Variants in DGCR8 observed in about 807,000 individuals in gnomAD.
DGCR8 encodes microprocessor complex subunit DGCR8.
A neutral mutation model predicts 78.5 loss-of-function variants in DGCR8; 14 were observed. That is an observed-to-expected ratio of 0.18 (90% CI 0.12 to 0.28). The LOEUF (loss-of-function observed/expected upper bound fraction) is 0.28, where lower values mean the gene tolerates loss of function less well. DGCR8 is among the 10% of genes least tolerant of loss of function. DGCR8 has a pLI of 1.00. For synonymous variants in DGCR8, 399 were observed against 402.4 expected, an observed-to-expected ratio of 0.99 and a Z score of 0.10; for missense variants, 702 against 1,022.5, an observed-to-expected ratio of 0.69 and a Z score of 4.28.
chr22:20,091,637 A>C lies in DGCR8; in HGVS notation c.1504+5A>C. The stretch of plus-strand genomic sequence containing the variant: ...AAGATGCACCCACAAAGAAAGGTAT[A>C]AGCCTCTGCATTTTAACATCAGCAG... On this transcript the variant is annotated splice_donor_5th_base_variant and intron_variant, in intron 6 of 13. Coordinates refer to ENST00000351989, the MANE Select transcript of DGCR8 (RefSeq NM_022720.7). 6.2e-7 allele frequency: 1 copy of C among 1,613,340 alleles called. No homozygotes were observed. Among genetic ancestry groups the C allele is most frequent in the Non-Finnish European group, 8.5e-7 (1 of 1,179,340 alleles).
At position 20,094,786 on chromosome 22, in the gene DGCR8, A is replaced by G. The variant is rs369686570; in HGVS notation, c.1779A>G (p.Glu593=). The change falls in exon 9 of 14, where the codon GAA becomes GAG. Residue 593 remains glutamate, a synonymous_variant. Transcript: ENST00000351989. The part of the protein sequence containing the change: ...QTSEEKPKDS[E]ELEYFNHISI... ...CTGAAGAGAAGCCCAAAGACAGTGA[A>G]GAACTCGAGGTGAGTGTTGTGGTCC... 6.4e-5 allele frequency: 103 copies of G among 1,613,936 alleles called. No individual in the cohort carries two copies. Among genetic ancestry groups the G allele is most frequent in the Non-Finnish European group, 8.6e-5 (102 of 1,179,920 alleles).
chr22:20,102,018 T>A, intron 9 of DGCR8: 1 of 985,334 alleles, frequency 1.0e-6, no homozygotes, highest in Non-Finnish European at 1.2e-6. Context: ...TGGTATTTTG[T>A]TGCTAGCTGT....
At position 20,107,024 on chromosome 22, in the gene DGCR8, T is replaced by G; in HGVS notation, c.1997-247T>G. ...GTGTGCGTCTTGGCGGGAGGGAGGC[T>G]CTCGGCTGCGTGGCTTTGAGTGGTA... On this transcript the variant is annotated intron_variant, in intron 11 of 13. Transcript: ENST00000351989. The G allele has an allele frequency of 5.2e-6, 3 of 579,766 alleles. No homozygotes were observed. The East Asian group carries it at 8.6e-5, about 17-fold the overall frequency. The allele number at this position is 579,766 out of a possible 1,614,324, so 35.9% of individuals were successfully genotyped here.
In DGCR8 at chr22:20,086,246, A is replaced by G. The variant is rs1568951970; in HGVS notation, c.283A>G (p.Ser95Gly). 6.2e-7 allele frequency: 1 copy of G among 1,614,150 alleles called. No homozygotes were observed. Among genetic ancestry groups the G allele is most frequent in the Non-Finnish European group, 8.5e-7 (1 of 1,180,032 alleles). The change falls in exon 2 of 14, where the codon AGC (serine) becomes GGC (glycine). Residue 95 changes from serine (S) to glycine (G), a missense_variant. Coordinates refer to ENST00000351989, the MANE Select transcript of DGCR8 (RefSeq NM_022720.7). The surrounding 1 kb of genome is among the most constrained non-coding windows in gnomAD (Gnocchi z 6.4). ...LLIDPNCSGH[S>G]PRTARHAPAV... ...CATAGACCCGAACTGTAGTGGCCAC[A>G]GCCCGCGCACCGCCCGGCACGCACC...
Position 20,090,186 on chromosome 22 carries a change from G to T in DGCR8, c.1234G>T (p.Gly412Trp). The T allele has an allele frequency of 6.2e-7, 1 of 1,614,258 alleles. No homozygotes were observed. Among genetic ancestry groups the T allele is most frequent in the Non-Finnish European group, 8.5e-7 (1 of 1,180,048 alleles). Residue 412 changes from glycine (G) to tryptophan (W), a missense_variant, in exon 5 of 14, where the codon GGG becomes TGG. By Grantham distance (184) the Gly-to-Trp change is radical. Transcript: ENST00000351989. ...PGPPDEKDPL[G>W]AEAAPGALGQ... ...GCCCCCGGACGAGAAAGACCCACTA[G>T]GGGCTGAGGCAGCCCCTGGGGCCCT... is the stretch of plus-strand genomic sequence containing the variant.
At chr22:20,100,420 G>C in intron 9 of DGCR8, 1 of 985,420 alleles carries the variant, frequency 1.0e-6, no homozygotes, top group Non-Finnish European at 1.2e-6. Context: ...TCCCAGGGAG[G>C]CTTCCAAGGC....
rs1313753758 is a variant in DGCR8, at chr22:20,086,641, G to T, written c.678G>T (p.Gln226His). Residue 226 changes from glutamine (Q) to histidine (H), a missense_variant, in exon 2 of 14, where the codon CAG (glutamine) becomes CAT (histidine). Coordinates refer to ENST00000351989, the MANE Select transcript of DGCR8 (RefSeq NM_022720.7). This position sits in a 1 kb window ranked among gnomAD's most constrained non-coding sequence, Gnocchi z 6.4. Reference protein sequence around the residue: ...AGGFTAKAIVQRDRVDEEALN... With the variant: ...AGGFTAKAIVHRDRVDEEALN... ...GGTTCACGGCTAAAGCAATCGTTCAGAGAGACAGAGTGGATGAAGAGGCCT... is the reference window on the plus strand; with the variant it reads ...GGTTCACGGCTAAAGCAATCGTTCATAGAGACAGAGTGGATGAAGAGGCCT... 1 of 1,611,228 alleles carries T rather than the reference G, an allele frequency of 6.2e-7. No individual in the cohort carries two copies. Among genetic ancestry groups the T allele is most frequent in the Non-Finnish European group, 8.5e-7 (1 of 1,179,878 alleles).
intron 8 of DGCR8, among the ~76,000 whole-genome samples, chr22:20,093,131 C>T (rs956809672): frequency 5.3e-5 from 8 of 151,752 alleles, no homozygotes; most frequent in African/African-American, 1.9e-4. Context: ...CTCGGCCGGG[C>T]GTGGTGTCTC....
chr22:20,094,796 G>T lies in DGCR8; in HGVS notation c.1788+1G>T. On this transcript the variant is annotated splice_donor_variant, in intron 9 of 13. Transcript: ENST00000351989. LOFTEE classifies it high-confidence loss of function. ...GCCCAAAGACAGTGAAGAACTCGAG[G>T]TGAGTGTTGTGGTCCTGCCCTGCTG... is the stretch of plus-strand genomic sequence containing the variant. The T allele has an allele frequency of 6.2e-7, 1 of 1,613,882 alleles. No homozygotes were observed. The highest frequency in any genetic ancestry group is 8.5e-7 in the Non-Finnish European group (1 of 1,179,746).
chr22:20,080,659 G>T (rs1321159415), intron 1 of DGCR8: 1 of 220,188 alleles, frequency 4.5e-6, no homozygotes, highest in African/African-American at 2.3e-5. Context: ...AGGGCCCGAA[G>T]CCTAGCATCG....
chr22:20,085,786 G>C lies in DGCR8; in HGVS notation c.-178G>C. On this transcript the variant is annotated 5_prime_UTR_variant, in exon 2 of 14. Transcript: ENST00000351989. The surrounding 1 kb of genome is among the most constrained non-coding windows in gnomAD (Gnocchi z 6.2). ...GTGATTTCCAATAATTGAGGCAGTG[G>C]TTCTAAAAGCTGTCTACATTAATGA... 6.9e-7 allele frequency: 1 copy of C among 1,446,988 alleles called. No homozygotes were observed. The highest frequency in any genetic ancestry group is 9.0e-7 in the Non-Finnish European group (1 of 1,107,614). The allele number at this position is 1,446,988 out of a possible 1,614,324, so 89.6% of individuals were successfully genotyped here.
rs368839325 is a variant in DGCR8 at position 20,092,861 on chromosome 22, C to T, written c.1659C>T (p.Tyr553=). The part of the protein sequence containing the change: ...GASVTIDGVT[Y]GSGTASSKKL... ...CGGTGACCATTGATGGTGTGACTTACGGATCTGGAACTGCAAGCAGCAAAA... is the reference window on the plus strand; with the variant it reads ...CGGTGACCATTGATGGTGTGACTTATGGATCTGGAACTGCAAGCAGCAAAA... Residue 553 remains tyrosine (Y), a synonymous_variant, in exon 8 of 14, where the codon TAC becomes TAT. Transcript: ENST00000351989. 5.8e-5 allele frequency: 93 copies of T among 1,613,538 alleles called. No individual in the cohort carries two copies. Among genetic ancestry groups the T allele is most frequent in the Non-Finnish European group, 7.5e-5 (89 of 1,179,804 alleles).
chr22:20,110,158 G>A lies in DGCR8; in HGVS notation c.*50G>A. The A allele has an allele frequency of 6.4e-7, 1 of 1,563,336 alleles. No individual in the cohort carries two copies. Among genetic ancestry groups the A allele is most frequent in the Non-Finnish European group, 8.7e-7 (1 of 1,147,366 alleles). ...GGGGGCCGCCAGCCGCACTTCTGAG[G>A]AGACCAGCAGTCATGCATCGTGCAC... On this transcript the variant is annotated 3_prime_UTR_variant, in exon 14 of 14. Coordinates refer to ENST00000351989, the MANE Select transcript of DGCR8 (RefSeq NM_022720.7).
rs879061294 is a variant in DGCR8, at chr22:20,085,934, T to C, written c.-30T>C. 1 of 1,514,546 alleles carries C rather than the reference T, an allele frequency of 6.6e-7. No individual in the cohort carries two copies. The highest frequency in any genetic ancestry group is 2.2e-5 in the Admixed American group (1 of 46,418). 93.8% of individuals were successfully genotyped at this position (1,514,546 alleles called of 1,614,324 possible). The stretch of plus-strand genomic sequence containing the variant: ...TATGTGAGGGCTTGTAAAACTCTGG[T>C]CTTGTAAACTAGTCTTAAGCGCTTT... On this transcript the variant is annotated 5_prime_UTR_variant, in exon 2 of 14. Transcript: ENST00000351989. This position sits in a 1 kb window ranked among gnomAD's most constrained non-coding sequence, Gnocchi z 6.2.
chr22:20,092,709 C>T, intron 7 of DGCR8, 100 bp from the exon 8 acceptor site: 1 of 1,010,644 alleles, frequency 9.9e-7, no homozygotes, highest in Admixed American at 2.0e-5. Flanking sequence ...TCTGCAGGGA[C>T]AGCCCCTGAC....
Position 20,089,772 on chromosome 22 carries a change from C to T in DGCR8, c.984C>T (p.Thr328=). The T allele has an allele frequency of 6.2e-7, 1 of 1,613,958 alleles. No individual in the cohort carries two copies. Among genetic ancestry groups the T allele is most frequent in the Non-Finnish European group, 8.5e-7 (1 of 1,180,014 alleles). Reference sequence around the variant, plus strand: ...TACACAGAGAGTCTCGGGTGGTCACCTGGTCCAGGCCATACTTCTTGGGAA... The same window carrying T: ...TACACAGAGAGTCTCGGGTGGTCACTTGGTCCAGGCCATACTTCTTGGGAA... The part of the protein sequence containing the change: ...VYLHRESRVV[T]WSRPYFLGTG... The change falls in exon 4 of 14, where the codon ACC becomes ACT. Residue 328 remains threonine, a synonymous_variant. Transcript: ENST00000351989. This position sits in a 1 kb window ranked among gnomAD's most constrained non-coding sequence, Gnocchi z 4.9.
chr22:20,108,428 T>G (rs956164325), intron 12 of DGCR8: 1 of 154,014 alleles, frequency 6.5e-6, no homozygotes, highest in Non-Finnish European at 1.4e-5. Flanking sequence ...CCCTTGGGGC[T>G]GGCCTAAGAC....
chr22:20,083,813 G>C (rs1379168683), intron 1 of DGCR8, among the ~76,000 whole-genome samples: 1 of 152,096 alleles, frequency 6.6e-6, no homozygotes, highest in African/African-American at 2.4e-5. Flanking sequence ...GTCTTTCTTG[G>C]TTGCCAGGAG....
intron 13 of DGCR8, among the ~76,000 whole-genome samples, chr22:20,109,353 TC>T (rs2049807567): frequency 6.6e-6 from 1 of 152,094 alleles, no homozygotes; most frequent in Non-Finnish European, 1.5e-5. Flanking sequence ...TGATGAAGCC[TC>T]CTAAAGCCAC....
Sources: gnomAD v4.1 joint callset for allele counts (sites outside exome capture counted in the v4.1 genomes callset) on GRCh38, gnomAD v4.1.1 for gene constraint, Gnocchi (gnomAD v3.1) non-coding constraint, MANE v1.5 for transcripts, NCBI Gene and HGNC (gene_info 2026-07-23, HGNC 2026-07-21) for gene names.